CENPP: variants seen among roughly 807,000 people sequenced by gnomAD.
The protein encoded by CENPP is centromere protein P.
CENPP carries 24 observed loss-of-function variants against 35.6 expected under a neutral mutation model. The observed-to-expected ratio is 0.67, with a 90% CI of 0.49 to 0.95. The LOEUF (loss-of-function observed/expected upper bound fraction) is 0.95, where lower values mean the gene tolerates loss of function less well. Ranked by LOEUF, CENPP falls within the 40% of genes least tolerant of loss-of-function variation. The pLI, the probability that CENPP is intolerant of heterozygous loss-of-function variation, is 0.00. For missense variants in CENPP, 332 were observed against 345.3 expected (o/e 0.96, Z 0.31); for synonymous variants, 120 against 125.5 (o/e 0.96, Z 0.29).
chr9:92,389,993 G>GA, intron 5 of CENPP: 2 of 1,609,758 alleles, frequency 1.2e-6, no homozygotes, highest in Non-Finnish European at 1.7e-6. Context: ...AGAAAGTTTT[G>GA]AAAAAGTACC....
chr9:92,477,258 A>G (rs1025417522), intron 5 of CENPP, among the ~76,000 whole-genome samples: 2 of 152,080 alleles, frequency 1.3e-5, no homozygotes, highest in African/African-American at 4.8e-5. Context: ...TTCCTTCTCA[A>G]TATCACTTTG....
intron 5 of CENPP, among the ~76,000 whole-genome samples, chr9:92,551,279 G>C (rs948080544): frequency 6.6e-6 from 1 of 152,112 alleles, no homozygotes. Flanking sequence ...CTGTTATATA[G>C]TAAGGAGTTA....
At chr9:92,474,938 A>G (rs1845663321) in intron 5 of CENPP, 2 of 1,545,754 alleles carry the variant, frequency 1.3e-6, no homozygotes, top group African/African-American at 1.4e-5. Context: ...CTAAACAGAC[A>G]TGGGATATTA....
At chr9:92,401,534 A>T (rs904682834) in intron 5 of CENPP, among the ~76,000 whole-genome samples, 2 of 152,086 alleles carry the variant, frequency 1.3e-5, no homozygotes, top group Admixed American at 1.3e-4. Context: ...CTGAGGTGAA[A>T]CTGTTCCTCA....
At chr9:92,588,038 G>T (rs1850581243) in intron 5 of CENPP, among the ~76,000 whole-genome samples, 1 of 151,972 alleles carries the variant, frequency 6.6e-6, no homozygotes, top group Non-Finnish European at 1.5e-5. Context: ...TAGTTGGGAG[G>T]CTGAGGCAGG....
At chr9:92,607,415 G>A (rs189244668) in intron 5 of CENPP, among the ~76,000 whole-genome samples, 1 of 152,252 alleles carries the variant, frequency 6.6e-6, no homozygotes, top group Non-Finnish European at 1.5e-5. Flanking sequence ...CTGGGAGGGT[G>A]GGTGTTAAGG....
At chr9:92,487,525 A>G (rs1346160059) in intron 5 of CENPP, among the ~76,000 whole-genome samples, 1 of 152,266 alleles carries the variant, frequency 6.6e-6, no homozygotes, top group African/African-American at 2.4e-5. Flanking sequence ...AAGAATGTCA[A>G]CTAATGAATG....
chr9:92,351,058 A>AT (rs888029793), intron 4 of CENPP, among the ~76,000 whole-genome samples: 19 of 152,212 alleles, frequency 1.2e-4, no homozygotes, highest in Non-Finnish European at 2.8e-4. Flanking sequence ...TTGTTTTCCT[A>AT]TTTTTTTACT....
chr9:92,398,809 G>T (rs767780392), intron 5 of CENPP, among the ~76,000 whole-genome samples: 1 of 152,070 alleles, frequency 6.6e-6, no homozygotes, highest in Non-Finnish European at 1.5e-5. Flanking sequence ...GGTGGCTCAC[G>T]CCTGTAATAC....
intron 5 of CENPP, among the ~76,000 whole-genome samples, chr9:92,518,366 C>T (rs1203335217): frequency 6.6e-6 from 1 of 152,096 alleles, no homozygotes; most frequent in Non-Finnish European, 1.5e-5. Flanking sequence ...CAAAGCAAAT[C>T]GTATGGCCAC....
chr9:92,522,810 A>G, intron 5 of CENPP: 4 of 1,612,560 alleles, frequency 2.5e-6, no homozygotes, highest in Non-Finnish European at 3.4e-6. Flanking sequence ...CATTTTTTCC[A>G]AAGTCAGTTT....
chr9:92,596,308 T>A lies in CENPP; in HGVS notation c.565-15006T>A, dbSNP rs1016234302. Among the ~76,000 whole-genome samples the A allele has an allele frequency of 4.0e-5, 6 of 151,884 alleles. No homozygotes were observed. In the East Asian group the frequency reaches 9.7e-4, roughly 24 times the overall value. ...ACCACCATGTCTAATTTTTAAAAAT[T>A]TTTGTAGAAATGGGGTCTCACTATG... is the stretch of plus-strand genomic sequence containing the variant. On this transcript the variant is annotated intron_variant, in intron 5 of 7. Coordinates refer to ENST00000375587, the MANE Select transcript of CENPP (RefSeq NM_001012267.3).
chr9:92,533,328 A>AAAAAAATATATATATAT (rs1554683138), intron 5 of CENPP, among the ~76,000 whole-genome samples: 1 of 38,336 alleles, frequency 2.6e-5, no homozygotes. Context: ...AAAAAAAAAA[A>AAAAAAATATATATATAT]ATATATATAT....
chr9:92,457,494 G>C (rs1408452013), intron 5 of CENPP: 1 of 1,581,664 alleles, frequency 6.3e-7, no homozygotes, highest in South Asian at 1.1e-5. Flanking sequence ...ATCTGTTGTA[G>C]TAGGAAAAAA....
intron 5 of CENPP, among the ~76,000 whole-genome samples, chr9:92,602,312 C>T (rs941313222): frequency 1.3e-5 from 2 of 152,288 alleles, no homozygotes; most frequent in African/African-American, 2.4e-5. Context: ...ATGATGGAAA[C>T]GGAAAGCCAC....
chr9:92,415,309 C>G (rs767674722), intron 5 of CENPP: 1 of 1,613,650 alleles, frequency 6.2e-7, no homozygotes, highest in East Asian at 2.2e-5. Flanking sequence ...TATTGTTTGA[C>G]CATTAGTGCT....
chr9:92,388,676 G>A (rs1352825136), intron 5 of CENPP, among the ~76,000 whole-genome samples: 1 of 151,468 alleles, frequency 6.6e-6, no homozygotes, highest in Non-Finnish European at 1.5e-5. Flanking sequence ...TACTAAAAGT[G>A]TAGAAATTAG....
intron 5 of CENPP, among the ~76,000 whole-genome samples, chr9:92,438,722 G>A (rs1479262322): frequency 1.1e-4 from 16 of 152,206 alleles, no homozygotes; most frequent in Admixed American, 1.0e-3. Flanking sequence ...GGAGGCCAAG[G>A]CAGGTGGATC....
chr9:92,519,581 A>G (rs1021749371), intron 5 of CENPP, among the ~76,000 whole-genome samples: 18 of 152,234 alleles, frequency 1.2e-4, no homozygotes, highest in Admixed American at 1.1e-3. Flanking sequence ...TTCAACAACT[A>G]GTGCTGGGAC....
Sources: allele counts gnomAD v4.1 joint callset (sites outside exome capture counted in the v4.1 genomes callset), GRCh38; gene constraint gnomAD v4.1.1; transcripts MANE v1.5; gene names NCBI Gene and HGNC (gene_info 2026-07-23, HGNC 2026-07-21).